Variants in SLC25A21 observed in about 807,000 individuals in gnomAD.
SLC25A21 encodes the protein solute carrier family 25 member 21, also known as mitochondrial 2-oxodicarboxylate carrier.
SLC25A21 carries 47 observed loss-of-function variants against 43.8 expected under a neutral mutation model. That is an observed-to-expected ratio of 1.07 (90% CI 0.85 to 1.37). SLC25A21 has a LOEUF of 1.37. Among genes scored for constraint, SLC25A21 ranks in the 40% most tolerant of loss-of-function variants. The probability of loss-of-function intolerance (pLI) is 0.00; values close to 1 mark genes in which losing one functional copy is unlikely to be tolerated. For missense variants in SLC25A21, 352 were observed against 350.2 expected (o/e 1.00, Z -0.04); for synonymous variants, 131 against 121.3 (o/e 1.08, Z -0.52).
Position 37,130,087 on chromosome 14 carries a change from C to CAAA in SLC25A21, c.70+42191_70+42193dup, listed in dbSNP as rs111382394. Among the ~76,000 whole-genome samples, 64 of 120,980 alleles carry CAAA rather than the reference C, an allele frequency of 5.3e-4. 3 individuals carry two copies. In the East Asian group the frequency reaches 5.7e-3, roughly 11 times the overall value. 79.4% of individuals were successfully genotyped at this position (120,980 alleles called of 152,430 possible). A position where few individuals can be genotyped will look rare whatever the true frequency, so the allele number is the denominator to read the frequency against. The stretch of plus-strand genomic sequence containing the variant: ...GCAACATAGTGAGACCCTGTCTCTA[C>CAAA]AAAAAAAAAAAAAAAACAACTTTAA... On this transcript the variant is annotated intron_variant, in intron 1 of 9. Coordinates refer to ENST00000331299, the MANE Select transcript of SLC25A21 (RefSeq NM_030631.4).
intron 9 of SLC25A21, among the ~76,000 whole-genome samples, chr14:36,683,356 G>T (rs1882378044): frequency 6.6e-6 from 1 of 152,186 alleles, no homozygotes; most frequent in Non-Finnish European, 1.5e-5. Flanking sequence ...CCACTCCCCA[G>T]AGGTGACTGT....
chr14:36,782,988 A>AAAAAAT (rs1310497665), intron 3 of SLC25A21, among the ~76,000 whole-genome samples: 12 of 150,824 alleles, frequency 8.0e-5, no homozygotes, highest in South Asian at 2.1e-4. Flanking sequence ...TAAAAAATAA[A>AAAAAAT]AAAAATAAAA....
chr14:36,714,289 C>G (rs993276798), intron 6 of SLC25A21, among the ~76,000 whole-genome samples: 1 of 152,170 alleles, frequency 6.6e-6, no homozygotes, highest in Non-Finnish European at 1.5e-5. Flanking sequence ...TTCTGGCTGT[C>G]CTTTCCTTTT....
intron 1 of SLC25A21, among the ~76,000 whole-genome samples, chr14:36,995,355 A>T (rs544245988): frequency 6.6e-6 from 1 of 152,286 alleles, no homozygotes; most frequent in African/African-American, 2.4e-5. Context: ...TTTGCTTATA[A>T]GACCTATAAT....
chr14:36,961,260 G>A (rs1280584906), intron 1 of SLC25A21, among the ~76,000 whole-genome samples: 3 of 149,896 alleles, frequency 2.0e-5, no homozygotes, highest in Non-Finnish European at 4.4e-5. Flanking sequence ...CGCCCAGGCT[G>A]GAGTGCAGTG....
intron 1 of SLC25A21, among the ~76,000 whole-genome samples, chr14:36,942,357 G>A (rs528237794): frequency 3.9e-5 from 6 of 152,244 alleles, no homozygotes; most frequent in South Asian, 2.1e-4. Context: ...TGGAAGCTTC[G>A]CTGAACTATC....
intron 1 of SLC25A21, among the ~76,000 whole-genome samples, chr14:37,000,703 T>C (rs1960470039): frequency 1.3e-5 from 2 of 152,132 alleles, no homozygotes; most frequent in Admixed American, 6.6e-5. Context: ...TGGTGCGAGG[T>C]GATTGGATCA....
intron 1 of SLC25A21, among the ~76,000 whole-genome samples, chr14:36,878,080 T>C (rs1460172635): frequency 6.6e-6 from 1 of 152,080 alleles, no homozygotes; most frequent in African/African-American, 2.4e-5. Context: ...AGTTATTCAC[T>C]TGCAAGTACA....
chr14:36,743,890 C>T (rs574384554), intron 3 of SLC25A21, among the ~76,000 whole-genome samples: 1 of 152,178 alleles, frequency 6.6e-6, no homozygotes, highest in East Asian at 1.9e-4. Flanking sequence ...TAATAATCAA[C>T]CTGATAACCA....
chr14:37,154,942 G>A lies in SLC25A21; in HGVS notation c.70+17339C>T, dbSNP rs149676185. 4.8e-4 allele frequency among the ~76,000 whole-genome samples: 73 copies of A among 152,134 alleles called. No individual in the cohort carries two copies. The East Asian group carries it at 0.012, about 25-fold the overall frequency. On this transcript the variant is annotated intron_variant, in intron 1 of 9. Transcript: ENST00000331299. Reference sequence around the variant, plus strand: ...TAAGTGTGAGGCACCACGCCCGGCCGATATCTTTTTCGAAAACCAAATAGA... The same window carrying A: ...TAAGTGTGAGGCACCACGCCCGGCCAATATCTTTTTCGAAAACCAAATAGA...
At chr14:36,810,212 T>C (rs74045001) in intron 3 of SLC25A21, among the ~76,000 whole-genome samples, 8,157 of 152,204 alleles carry the variant, frequency 0.054, 741 homozygotes, top group African/African-American at 0.19. Flanking sequence ...CAATTATACA[T>C]ACAGTATAGA....
intron 3 of SLC25A21, among the ~76,000 whole-genome samples, chr14:36,776,703 T>C (rs1886848295): frequency 1.3e-5 from 2 of 152,164 alleles, no homozygotes; most frequent in African/African-American, 2.4e-5. Context: ...CAGGTGGTAT[T>C]TGCAACCTTC....
chr14:36,894,899 C>T (rs1891191859), intron 1 of SLC25A21, among the ~76,000 whole-genome samples: 1 of 152,154 alleles, frequency 6.6e-6, no homozygotes, highest in Non-Finnish European at 1.5e-5. Flanking sequence ...CCCACTTGAT[C>T]ACGGTGGATA....
intron 1 of SLC25A21, among the ~76,000 whole-genome samples, chr14:37,107,358 T>C (rs1326794194): frequency 6.6e-6 from 1 of 151,974 alleles, no homozygotes; most frequent in East Asian, 1.9e-4. Context: ...TTTTATTTTT[T>C]ATTTTTTGGA....
chr14:36,721,879 T>C (rs1884387705), intron 6 of SLC25A21, among the ~76,000 whole-genome samples: 1 of 152,254 alleles, frequency 6.6e-6, no homozygotes, highest in African/African-American at 2.4e-5. Context: ...ACGATGAGCA[T>C]ACATTACTTT....
At chr14:36,911,471 C>G (rs712391) in intron 1 of SLC25A21, among the ~76,000 whole-genome samples, 37,475 of 152,144 alleles carry the variant, frequency 0.25, 5,602 homozygotes, top group East Asian at 0.61. Context: ...CCCTCCTGCA[C>G]TGACTCCAGG....
chr14:37,043,940 G>GTTTTTTTTTTTTTTTTTTTTTTTTTTT (rs59081965), intron 1 of SLC25A21, among the ~76,000 whole-genome samples: 1 of 56,768 alleles, frequency 1.8e-5, no homozygotes, highest in African/African-American at 6.9e-5. Context: ...ATGTTTTTTT[G>GTTTTTTTTTTTTTTTTTTTTTTTTTTT]TTTTTTTTTT....
At chr14:36,942,141 G>C (rs1892576155) in intron 1 of SLC25A21, among the ~76,000 whole-genome samples, 5 of 151,634 alleles carry the variant, frequency 3.3e-5, no homozygotes, top group Admixed American at 3.3e-4. Flanking sequence ...CCGAGCTTAA[G>C]AGTTTGAACT....
chr14:36,721,049 T>C (rs1281668761), intron 6 of SLC25A21, among the ~76,000 whole-genome samples: 2 of 152,200 alleles, frequency 1.3e-5, no homozygotes, highest in Non-Finnish European at 2.9e-5. Flanking sequence ...GAGCAATATC[T>C]CAAAATAAAT....
Sources: allele counts gnomAD v4.1 joint callset (sites outside exome capture counted in the v4.1 genomes callset), GRCh38; gene constraint gnomAD v4.1.1; transcripts MANE v1.5; gene names NCBI Gene and HGNC (gene_info 2026-07-23, HGNC 2026-07-21).